CAST: variants seen among roughly 807,000 people sequenced by gnomAD.
The protein encoded by CAST is calpastatin, also known as MIR583 host.
A neutral mutation model predicts 119.6 loss-of-function variants in CAST; 76 were observed. The observed-to-expected ratio is 0.64, with a 90% CI of 0.53 to 0.77. CAST has a LOEUF of 0.77. CAST is among the 30% of genes least tolerant of loss of function. CAST has a pLI of 0.00. For synonymous variants in CAST, 319 were observed against 331.6 expected, an observed-to-expected ratio of 0.96 and a Z score of 0.41; for missense variants, 953 against 946.5, an observed-to-expected ratio of 1.01 and a Z score of -0.09.
the CAST span, among the ~76,000 whole-genome samples, chr5:96,303,262 A>C: frequency 1.3e-5 from 2 of 152,192 alleles, no homozygotes; most frequent in African/African-American, 4.8e-5. Context: ...GTCTGCCCCC[A>C]TGATCCAGTC....
chr5:96,409,118 T>C, the CAST span, among the ~76,000 whole-genome samples: 3 of 152,342 alleles, frequency 2.0e-5, no homozygotes, highest in South Asian at 4.1e-4. Context: ...TGGCTAACTT[T>C]AGGGTAATGA....
At chr5:96,564,691 G>A (rs1166023167) in intron 1 of CAST, among the ~76,000 whole-genome samples, 3 of 152,222 alleles carry the variant, frequency 2.0e-5, no homozygotes, top group Non-Finnish European at 4.4e-5. Context: ...GGCCGAGGTA[G>A]GCAGATCACT....
intron 1 of CAST, among the ~76,000 whole-genome samples, chr5:96,558,502 G>C (rs543449554): frequency 6.6e-5 from 10 of 151,922 alleles, no homozygotes; most frequent in Non-Finnish European, 8.8e-5. Flanking sequence ...TCAAATAGAC[G>C]CACTAAAAAA....
chr5:95,999,410 T>TTCACC, the CAST span, among the ~76,000 whole-genome samples: 3 of 152,294 alleles, frequency 2.0e-5, no homozygotes, highest in African/African-American at 7.2e-5. Context: ...ATTTGCTTGG[T>TTCACC]GTGATCATAG....
intron 1 of CAST, among the ~76,000 whole-genome samples, chr5:96,563,179 C>A (rs1159211108): frequency 6.6e-6 from 1 of 152,182 alleles, no homozygotes. Flanking sequence ...TTCTTCATAA[C>A]TATTCACTCT....
chr5:96,434,617 TTG>T, the CAST span, among the ~76,000 whole-genome samples: 1 of 133,368 alleles, frequency 7.5e-6, no homozygotes, highest in Non-Finnish European at 1.6e-5. Flanking sequence ...GTTTTTTTTT[TTG>T]TTGTTGTTGT....
At chr5:96,309,256 G>T in the CAST span, among the ~76,000 whole-genome samples, 1 of 152,168 alleles carries the variant, frequency 6.6e-6, no homozygotes, top group African/African-American at 2.4e-5. Context: ...ACAATGTGAG[G>T]GTAAAACCGC....
chr5:96,241,468 G>A, the CAST span, among the ~76,000 whole-genome samples: 4 of 150,730 alleles, frequency 2.7e-5, no homozygotes, highest in Admixed American at 6.6e-5. Context: ...TATCATTGTT[G>A]GACATTTGGG....
chr5:96,691,332 C>T (rs1752701966), intron 2 of CAST, among the ~76,000 whole-genome samples: 1 of 152,024 alleles, frequency 6.6e-6, no homozygotes, highest in South Asian at 2.1e-4. Flanking sequence ...AGCTTGAAAG[C>T]AAATCTCAAA....
chr5:96,065,106 G>A, the CAST span, among the ~76,000 whole-genome samples: 20 of 151,878 alleles, frequency 1.3e-4, no homozygotes, highest in Admixed American at 2.6e-4. Flanking sequence ...TCCCTGATGA[G>A]TCAGTTCAAA....
At chr5:96,754,793 T>C in intron 22 of CAST, 52 bp downstream of exon 22, 1 of 1,020,048 alleles carries the variant, frequency 9.8e-7, no homozygotes, top group Middle Eastern at 2.2e-4. Context: ...ACTGAATTCA[T>C]ACACAGAACA....
Position 96,767,952 on chromosome 5 carries a change from C to T in CAST, c.2221C>T (p.Leu741=), listed in dbSNP as rs776467210. The change falls in exon 29 of 32, where the codon CTG becomes TTG. Residue 741 remains leucine (L), a synonymous_variant. Transcript: ENST00000675179. ...QDPIDALSGD[L]DSCPSTTETS... is the part of the protein sequence containing the mutation. ...CCCCATTGATGCTCTCTCAGGAGATCTGGACAGCTGTCCCTCCACTACAGA... is the reference window on the plus strand; with the variant it reads ...CCCCATTGATGCTCTCTCAGGAGATTTGGACAGCTGTCCCTCCACTACAGA... The T allele has an allele frequency of 3.7e-6, 6 of 1,613,540 alleles. No homozygotes were observed. The highest frequency in any genetic ancestry group is 5.1e-6 in the Non-Finnish European group (6 of 1,179,654).
the CAST span, among the ~76,000 whole-genome samples, chr5:96,083,718 G>T: frequency 6.6e-6 from 1 of 152,194 alleles, no homozygotes; most frequent in African/African-American, 2.4e-5. Context: ...AAATTGACTT[G>T]ATGTTTTTAG....
At chr5:96,354,517 T>C in the CAST span, among the ~76,000 whole-genome samples, 2 of 151,898 alleles carry the variant, frequency 1.3e-5, no homozygotes, top group African/African-American at 4.8e-5. Flanking sequence ...ACACCATGGG[T>C]TGAGACGTAT....
intron 1 of CAST, among the ~76,000 whole-genome samples, chr5:96,654,248 A>T (rs1238538386): frequency 1.3e-5 from 2 of 151,950 alleles, no homozygotes; most frequent in Non-Finnish European, 2.9e-5. Context: ...GCTGGTCTCA[A>T]ACTCCTGACC....
At chr5:96,415,898 T>G in the CAST span, 1 of 688,522 alleles carries the variant, frequency 1.5e-6, no homozygotes, top group Non-Finnish European at 2.7e-6. Flanking sequence ...CATATTCAAG[T>G]CCTGTAGCAA....
chr5:96,523,143 C>T (rs1042269220), upstream of CAST, among the ~76,000 whole-genome samples: 1 of 152,226 alleles, frequency 6.6e-6, no homozygotes, highest in African/African-American at 2.4e-5. Flanking sequence ...ATTGGCTCAG[C>T]CTCCTGTTGC....
intron 1 of CAST, among the ~76,000 whole-genome samples, chr5:96,608,969 C>A (rs558396251): frequency 4.7e-4 from 72 of 152,206 alleles, no homozygotes; most frequent in Non-Finnish European, 8.4e-4. Flanking sequence ...CCTCCAACAC[C>A]GGGGATTACA....
At position 96,748,490 on chromosome 5, in the gene CAST, G is replaced by A. The variant is rs547689098; in HGVS notation, c.1333-28G>A. 9 of 1,124,826 alleles carry A rather than the reference G, an allele frequency of 8.0e-6. No individual in the cohort carries two copies. The African/African-American group carries it at 1.1e-4, about 14-fold the overall frequency. 69.7% of individuals were successfully genotyped at this position (1,124,826 alleles called of 1,614,324 possible). ...TTACAAAATAAAAAAGAGTCCCCTT[G>A]TAATATACAGCACTTCTTATATTAC... On this transcript the variant is annotated intron_variant, in intron 18 of 31. Coordinates refer to ENST00000675179, the MANE Select transcript of CAST (RefSeq NM_001750.7).
Sources: gnomAD v4.1 joint callset for allele counts (sites outside exome capture counted in the v4.1 genomes callset) on GRCh38, gnomAD v4.1.1 for gene constraint, MANE v1.5 for transcripts, NCBI Gene and HGNC (gene_info 2026-07-23, HGNC 2026-07-21) for gene names.